Variants in ESRRG observed in about 807,000 individuals in gnomAD.
ESRRG encodes the protein estrogen-related receptor gamma.
A neutral mutation model predicts 44.0 loss-of-function variants in ESRRG; 13 were observed. The observed-to-expected ratio is 0.30, with a 90% confidence interval of 0.19 to 0.47. ESRRG has a LOEUF of 0.47. Ranked by LOEUF, ESRRG falls within the 20% of genes least tolerant of loss-of-function variation. The pLI is 1.00. For missense variants in ESRRG, 395 were observed against 580.6 expected, an observed-to-expected ratio of 0.68 and a Z score of 3.29; for synonymous variants, 215 against 214.6, an observed-to-expected ratio of 1.00 and a Z score of -0.02.
At chr1:216,870,594 AT>A (rs1437730253) in intron 2 of ESRRG, among the ~76,000 whole-genome samples, 8 of 151,916 alleles carry the variant, frequency 5.3e-5, no homozygotes, top group African/African-American at 1.9e-4. Flanking sequence ...TATTTCTTCC[AT>A]AATAGTTTGG....
At chr1:216,742,139 C>G (rs2090823885) in intron 2 of ESRRG, among the ~76,000 whole-genome samples, 1 of 152,198 alleles carries the variant, frequency 6.6e-6, no homozygotes, top group South Asian at 2.1e-4. Flanking sequence ...GGTATCACAG[C>G]CTTCACGTAA....
chr1:216,917,217 C>A (rs1391445151), intron 2 of ESRRG, among the ~76,000 whole-genome samples: 17 of 150,068 alleles, frequency 1.1e-4, no homozygotes, highest in Non-Finnish European at 1.9e-4. Context: ...GTGAAATCTG[C>A]CAGGTCTACT....
chr1:216,602,479 A>G (rs886745734), intron 3 of ESRRG, among the ~76,000 whole-genome samples: 17 of 152,208 alleles, frequency 1.1e-4, no homozygotes, highest in Admixed American at 5.2e-4. Context: ...ACTAGGGCCA[A>G]CTGTAACAGG....
At chr1:216,689,426 T>C (rs114387030) in intron 1 of ESRRG, among the ~76,000 whole-genome samples, 2 of 152,224 alleles carry the variant, frequency 1.3e-5, no homozygotes, top group Non-Finnish European at 2.9e-5. Flanking sequence ...TCAGAAATAA[T>C]TGGAGAGACT....
intron 2 of ESRRG, among the ~76,000 whole-genome samples, chr1:216,877,387 TTGTTTG>T (rs1325929719): frequency 1.8e-4 from 8 of 45,450 alleles, no homozygotes; most frequent in Admixed American, 6.3e-4. Context: ...GTGTTTTTTT[TTGTTTG>T]TTTGTTTGTT....
At chr1:217,045,620 G>A (rs959229991) in intron 1 of ESRRG, among the ~76,000 whole-genome samples, 1 of 152,210 alleles carries the variant, frequency 6.6e-6, no homozygotes, top group Admixed American at 6.5e-5. Flanking sequence ...ATGGGATATT[G>A]GAAGGTTTGC....
chr1:216,956,514 T>C (rs554977480), intron 1 of ESRRG, among the ~76,000 whole-genome samples: 1 of 152,324 alleles, frequency 6.6e-6, no homozygotes, highest in East Asian at 1.9e-4. Flanking sequence ...TATCGCTTTG[T>C]AGTATATTTT....
chr1:216,836,297 T>A (rs1211758964), intron 2 of ESRRG, among the ~76,000 whole-genome samples: 1 of 152,124 alleles, frequency 6.6e-6, no homozygotes, highest in Non-Finnish European at 1.5e-5. Context: ...CTTTCTGTTA[T>A]TATACCCACA....
chr1:216,543,320 T>C (rs952303783), intron 5 of ESRRG, among the ~76,000 whole-genome samples: 2 of 152,042 alleles, frequency 1.3e-5, no homozygotes, highest in Admixed American at 6.6e-5. Flanking sequence ...TTTTCTATCA[T>C]CATTAAAAAA....
chr1:216,510,556 T>C (rs907594322), intron 6 of ESRRG, among the ~76,000 whole-genome samples: 5 of 152,162 alleles, frequency 3.3e-5, no homozygotes, highest in Non-Finnish European at 7.3e-5. Context: ...TATCTTCCCT[T>C]GAATAAAATA....
At chr1:216,957,085 A>T (rs778029240) in intron 1 of ESRRG, among the ~76,000 whole-genome samples, 14 of 152,204 alleles carry the variant, frequency 9.2e-5, no homozygotes, top group Non-Finnish European at 1.8e-4. Context: ...ACTTGGTTAG[A>T]TTCTTATACT....
intron 1 of ESRRG, among the ~76,000 whole-genome samples, chr1:217,053,465 A>AAAAGAAAGAAAGAAAG (rs3072270): frequency 0.022 from 3,200 of 145,576 alleles, 89 homozygotes; most frequent in Admixed American, 0.07. Context: ...AAAGCCAAAA[A>AAAAGAAAGAAAGAAAG]AAAGAAAGAA....
chr1:216,802,834 G>C (rs990684496), intron 2 of ESRRG, among the ~76,000 whole-genome samples: 9 of 152,096 alleles, frequency 5.9e-5, no homozygotes, highest in African/African-American at 2.2e-4. Flanking sequence ...CTAGATATTA[G>C]TATCCCCACT....
At chr1:216,920,086 A>G (rs2061641558) in intron 2 of ESRRG, among the ~76,000 whole-genome samples, 1 of 152,212 alleles carries the variant, frequency 6.6e-6, no homozygotes, top group Admixed American at 6.5e-5. Context: ...ATTCATTCAC[A>G]TGGCAGTGTT....
upstream of ESRRG, among the ~76,000 whole-genome samples, chr1:216,728,046 T>C (rs547629569): frequency 7.2e-5 from 11 of 152,318 alleles, no homozygotes; most frequent in Middle Eastern, 0.01. Flanking sequence ...TAAACTACAG[T>C]AGCTCCAATG....
chr1:217,014,710 G>T (rs2079096154), intron 1 of ESRRG, among the ~76,000 whole-genome samples: 1 of 152,188 alleles, frequency 6.6e-6, no homozygotes, highest in Admixed American at 6.5e-5. Context: ...GGATGTTAAA[G>T]AGGAAATTCA....
At chr1:216,610,594 CT>C (rs1255397629) in intron 3 of ESRRG, among the ~76,000 whole-genome samples, 4 of 151,974 alleles carry the variant, frequency 2.6e-5, no homozygotes, top group Non-Finnish European at 4.4e-5. Flanking sequence ...CACCTACTAG[CT>C]ATGTGACTTA....
chr1:217,037,645 A>G (rs2083140090), intron 1 of ESRRG, among the ~76,000 whole-genome samples: 1 of 152,114 alleles, frequency 6.6e-6, no homozygotes, highest in Non-Finnish European at 1.5e-5. Context: ...TTCACATTTC[A>G]AAACCAATCA....
intron 1 of ESRRG, among the ~76,000 whole-genome samples, chr1:216,700,157 T>A (rs1188026944): frequency 6.6e-6 from 1 of 150,852 alleles, no homozygotes; most frequent in African/African-American, 2.4e-5. Context: ...CTTAGATACC[T>A]CGCTTAACTA....
Sources: allele counts gnomAD v4.1 joint callset (sites outside exome capture counted in the v4.1 genomes callset), GRCh38; gene constraint gnomAD v4.1.1; transcripts MANE v1.5; gene names NCBI Gene and HGNC (gene_info 2026-07-23, HGNC 2026-07-21).